Variants in SLFN12L observed in about 807,000 individuals in gnomAD.
SLFN12L encodes the protein schlafen family member 12-like.
Under a neutral mutation model 34.8 loss-of-function variants are expected in SLFN12L, and 34 were observed. That is an observed-to-expected ratio of 0.98 (90% CI 0.74 to 1.30). SLFN12L has a LOEUF of 1.30. Ranked by LOEUF, SLFN12L falls within the 50% of genes most tolerant of loss-of-function variation. The pLI is 0.00. For missense variants in SLFN12L, 703 were observed against 696.2 expected, an observed-to-expected ratio of 1.01 and a Z score of -0.11; for synonymous variants, 259 against 247.5, an observed-to-expected ratio of 1.05 and a Z score of -0.44.
At chr17:35,479,052 A>T in intron 3 of SLFN12L, 65 bp downstream of exon 3, 1 of 1,223,850 alleles carries the variant, frequency 8.2e-7, no homozygotes, top group East Asian at 2.6e-5. Context: ...AATCCCAAAG[A>T]TACAATAAAA....
In SLFN12L at chr17:35,474,695, G is replaced by T. The variant is rs1913883201; in HGVS notation, c.*228C>A. ...CTAGCACTTTGGGAGACCGGGGGGG[G>T]GGGTTGAATCACGAGGTCAGGAGTT... On this transcript the variant is annotated 3_prime_UTR_variant, in exon 5 of 5. Coordinates refer to ENST00000628453, the MANE Select transcript of SLFN12L (RefSeq NM_001363830.2). The T allele has an allele frequency of 2.6e-6, 1 of 377,560 alleles. No individual in the cohort carries two copies. Among genetic ancestry groups the T allele is most frequent in the South Asian group, 2.8e-5 (1 of 35,346 alleles). The allele number at this position is 377,560 out of a possible 1,614,324, so 23.4% of individuals were successfully genotyped here. A position where few individuals can be genotyped will look rare whatever the true frequency, so the allele number is the denominator to read the frequency against.
chr17:35,503,776 C>T (rs1011368642), intron 2 of SLFN12L, among the ~76,000 whole-genome samples: 48 of 152,066 alleles, frequency 3.2e-4, no homozygotes, highest in African/African-American at 9.9e-4. Context: ...CTGGTAAACC[C>T]GCACCAGCCT....
chr17:35,480,418 C>CAAAA (rs1199970775), intron 2 of SLFN12L: 2 of 414,222 alleles, frequency 4.8e-6, no homozygotes, highest in African/African-American at 4.1e-5. Context: ...CGATCTTATT[C>CAAAA]TAATAATTTT....
At position 35,474,947 on chromosome 17, in the gene SLFN12L, C is replaced by CCAACAAA. The variant is rs978084421; in HGVS notation, c.1808_1814dup (p.Trp605CysfsTer46). ...CTCATCTCAAGAAAAAACAAACAAA[C>CCAACAAA]CAACAAACAAACAAACAAAAACGAA... On this transcript the variant is annotated frameshift_variant, in exon 5 of 5. Transcript: ENST00000628453. LOFTEE classifies it high-confidence loss of function. The CCAACAAA allele has an allele frequency of 4.5e-6, 7 of 1,548,830 alleles. No individual in the cohort carries two copies. Among genetic ancestry groups the CCAACAAA allele is most frequent in the African/African-American group, 4.1e-5 (3 of 72,378 alleles).
intron 1 of SLFN12L, among the ~76,000 whole-genome samples, chr17:35,530,400 A>G (rs2072381526): frequency 2.0e-4 from 2 of 9,900 alleles, no homozygotes; most frequent in African/African-American, 6.6e-4. Context: ...GAAGGAAGGA[A>G]GGAAGGAAGG....
intron 2 of SLFN12L, among the ~76,000 whole-genome samples, chr17:35,489,620 C>A (rs1458240770): frequency 6.6e-6 from 1 of 152,006 alleles, no homozygotes; most frequent in Non-Finnish European, 1.5e-5. Context: ...TATATTAAGA[C>A]CAACAGAGGT....
chr17:35,477,197 A>G (rs1386492075), intron 4 of SLFN12L, among the ~76,000 whole-genome samples: 1 of 152,244 alleles, frequency 6.6e-6, no homozygotes, highest in African/African-American at 2.4e-5. Flanking sequence ...CTGAGTTTTC[A>G]GTAACTGGAT....
intron 1 of SLFN12L, among the ~76,000 whole-genome samples, 200 bp downstream of exon 1, chr17:35,537,373 C>G (rs2072472431): frequency 6.6e-6 from 1 of 152,208 alleles, no homozygotes; most frequent in African/African-American, 2.4e-5. Context: ...ACCAGCTCCT[C>G]TCATTGTCTA....
At chr17:35,491,098 C>G in intron 2 of SLFN12L, 1 of 777,338 alleles carries the variant, frequency 1.3e-6, no homozygotes. Context: ...TACTGCCTCC[C>G]CTGCTGCAAG....
chr17:35,468,290 T>C lies in SLFN12L; in HGVS notation c.*6633A>G, dbSNP rs1222933079. Among the ~76,000 whole-genome samples the C allele has an allele frequency of 2.6e-5, 4 of 152,216 alleles. No individual in the cohort carries two copies. Among genetic ancestry groups the C allele is most frequent in the Non-Finnish European group, 5.9e-5 (4 of 68,032 alleles). On this transcript the variant is annotated 3_prime_UTR_variant, in exon 5 of 5. Coordinates refer to ENST00000628453, the MANE Select transcript of SLFN12L (RefSeq NM_001363830.2). Reference sequence around the variant, plus strand: ...CAACCCTCCATACAAGCCATTGTTTTAATCAATCATGGCAAATGCTAAGAC... The same window carrying C: ...CAACCCTCCATACAAGCCATTGTTTCAATCAATCATGGCAAATGCTAAGAC...
At position 35,469,238 on chromosome 17, in the gene SLFN12L, G is replaced by A. The variant is rs1913761667; in HGVS notation, c.*5685C>T. ...GCTAGTCTACACATGCATTATTAAT[G>A]TATTAGTTCCTATCCCCCAACAACC... On this transcript the variant is annotated 3_prime_UTR_variant, in exon 5 of 5. Transcript: ENST00000628453. 6.8e-6 allele frequency among the ~76,000 whole-genome samples: 1 copy of A among 146,008 alleles called. No homozygotes were observed. Among genetic ancestry groups the A allele is most frequent in the Non-Finnish European group, 1.5e-5 (1 of 66,906 alleles).
chr17:35,491,158 G>C, intron 2 of SLFN12L: 1 of 818,614 alleles, frequency 1.2e-6, no homozygotes, highest in Non-Finnish European at 2.1e-6. Flanking sequence ...CCTGAGCCTC[G>C]GGGAGGAGGA....
chr17:35,469,069 G>T lies in SLFN12L; in HGVS notation c.*5854C>A, dbSNP rs1375837681. Among the ~76,000 whole-genome samples the T allele has an allele frequency of 6.6e-6, 1 of 151,294 alleles. No individual in the cohort carries two copies. Among genetic ancestry groups the T allele is most frequent in the East Asian group, 1.9e-4 (1 of 5,144 alleles). On this transcript the variant is annotated 3_prime_UTR_variant, in exon 5 of 5. Coordinates refer to ENST00000628453, the MANE Select transcript of SLFN12L (RefSeq NM_001363830.2). ...GTATTGCCTTTCTCTGAAGGCTGTT[G>T]CCTCCTGAGTCAATCCCTCAACCCA...
chr17:35,475,507 A>C (rs1222472623), intron 4 of SLFN12L, 22 bp from the exon 5 acceptor site: 1 of 1,542,272 alleles, frequency 6.5e-7, no homozygotes, highest in East Asian at 2.3e-5. Flanking sequence ...AATAATGATA[A>C]ATTATAAAAG....
intron 2 of SLFN12L, among the ~76,000 whole-genome samples, chr17:35,482,325 A>T (rs1444697468): frequency 6.6e-6 from 1 of 152,254 alleles, no homozygotes; most frequent in African/African-American, 2.4e-5. Flanking sequence ...GTGCTCTTCT[A>T]AAAGGGACTT....
In SLFN12L at chr17:35,479,374, TCTAA is replaced by T; in HGVS notation, c.904_907del (p.Leu302LysfsTer3). The stretch of plus-strand genomic sequence containing the variant: ...CCCAATGGAATTTTTTGTTACTTCT[TCTAA>T]CTTAGTAAGATAACTCTTCTCTGCT... On this transcript the variant is annotated frameshift_variant, in exon 3 of 5. Coordinates refer to ENST00000628453, the MANE Select transcript of SLFN12L (RefSeq NM_001363830.2). LOFTEE classifies it high-confidence loss of function. 1 of 1,602,078 alleles carries T rather than the reference TCTAA, an allele frequency of 6.2e-7. No homozygotes were observed. Among genetic ancestry groups the T allele is most frequent in the Non-Finnish European group, 8.5e-7 (1 of 1,172,972 alleles).
At chr17:35,530,645 C>T (rs1241763948) in intron 1 of SLFN12L, among the ~76,000 whole-genome samples, 1 of 151,922 alleles carries the variant, frequency 6.6e-6, no homozygotes, top group Non-Finnish European at 1.5e-5. Context: ...CGTGGTAAAT[C>T]TGACAAATGG....
chr17:35,469,795 C>T lies in SLFN12L; in HGVS notation c.*5128G>A, dbSNP rs951487723. Among the ~76,000 whole-genome samples, 1 of 152,166 alleles carries T rather than the reference C, an allele frequency of 6.6e-6. No homozygotes were observed. The highest frequency in any genetic ancestry group is 2.4e-5 in the African/African-American group (1 of 41,438). On this transcript the variant is annotated 3_prime_UTR_variant, in exon 5 of 5. Transcript: ENST00000628453. ...CAATATTTTCCCTACCCTACATAAA[C>T]CCAGGGCCATGTAACAGACAACTGG...
chr17:35,530,515 A>AG (rs1338507745), intron 1 of SLFN12L, among the ~76,000 whole-genome samples: 2 of 36,270 alleles, frequency 5.5e-5, no homozygotes, highest in African/African-American at 1.9e-4. Flanking sequence ...AAAGAAAGAA[A>AG]AGAAAAGAAA....
Sources: allele counts gnomAD v4.1 joint callset (sites outside exome capture counted in the v4.1 genomes callset), GRCh38; gene constraint gnomAD v4.1.1; transcripts MANE v1.5; gene names NCBI Gene and HGNC (gene_info 2026-07-23, HGNC 2026-07-21).